ERO1B: variants seen among roughly 807,000 people sequenced by gnomAD.
ERO1B encodes ERO1-like protein beta.
Under a neutral mutation model 75.3 loss-of-function variants are expected in ERO1B, and 49 were observed. The ratio of observed to expected loss-of-function variants is 0.65; its 90% CI spans 0.52 to 0.83. The LOEUF is 0.83. Ranked by LOEUF, ERO1B falls within the 40% of genes least tolerant of loss-of-function variation. The probability of loss-of-function intolerance (pLI) is 0.00; values close to 1 mark genes in which losing one functional copy is unlikely to be tolerated. For missense variants in ERO1B, 512 were observed against 560.1 expected (o/e 0.91, Z 0.87); for synonymous variants, 191 against 192.9 (o/e 0.99, Z 0.08).
intron 12 of ERO1B, among the ~76,000 whole-genome samples, chr1:236,225,748 A>C (rs1280416079): frequency 6.6e-6 from 1 of 152,218 alleles, no homozygotes; most frequent in African/African-American, 2.4e-5. Context: ...CAGCCTGTCC[A>C]ACATGGTGAA....
chr1:236,278,414 G>A (rs1397960664), intron 1 of ERO1B, among the ~76,000 whole-genome samples: 1 of 151,778 alleles, frequency 6.6e-6, no homozygotes, highest in Non-Finnish European at 1.5e-5. Context: ...AAGGGTAAAC[G>A]AGAAATGAAT....
intron 3 of ERO1B, 24 bp downstream of exon 3, chr1:236,253,398 G>T (rs537428637): frequency 1.9e-5 from 28 of 1,451,772 alleles, no homozygotes; most frequent in Non-Finnish European, 2.5e-5. Flanking sequence ...AATTGGCTTT[G>T]CCCTGTTATT....
chr1:236,249,669 T>G (rs1312800175), intron 5 of ERO1B, among the ~76,000 whole-genome samples: 1 of 152,156 alleles, frequency 6.6e-6, no homozygotes, highest in Non-Finnish European at 1.5e-5. Context: ...TTTAAAAGAT[T>G]TACTATGGAT....
chr1:236,225,301 A>T (rs1664252770), intron 12 of ERO1B, among the ~76,000 whole-genome samples, 162 bp from the exon 13 acceptor site: 1 of 152,214 alleles, frequency 6.6e-6, no homozygotes, highest in Non-Finnish European at 1.5e-5. Context: ...TTCACACATA[A>T]ACTATTTCAT....
chr1:236,227,657 CA>C (rs1304156473), intron 10 of ERO1B, among the ~76,000 whole-genome samples: 2 of 152,062 alleles, frequency 1.3e-5, no homozygotes, highest in Non-Finnish European at 2.9e-5. Flanking sequence ...TAGTGGAAAG[CA>C]AAATAGTCTC....
chr1:236,251,479 G>C (rs1441751939), intron 4 of ERO1B: 4 of 981,040 alleles, frequency 4.1e-6, no homozygotes, highest in Non-Finnish European at 4.8e-6. Flanking sequence ...ACACGGGAGA[G>C]AGAGCAAGAA....
At chr1:236,279,806 T>G (rs1420006484) in intron 1 of ERO1B, among the ~76,000 whole-genome samples, 1 of 147,336 alleles carries the variant, frequency 6.8e-6, no homozygotes, top group Non-Finnish European at 1.5e-5. Flanking sequence ...ACACATGCCA[T>G]TGCATCCAGC....
intron 8 of ERO1B, among the ~76,000 whole-genome samples, chr1:236,233,491 C>T (rs937168455): frequency 1.3e-4 from 20 of 148,572 alleles, no homozygotes; most frequent in Admixed American, 2.7e-4. Flanking sequence ...CCCAGCTGCT[C>T]AGGAGGCTGA....
At chr1:236,272,953 A>C (rs1457817132) in intron 1 of ERO1B, among the ~76,000 whole-genome samples, 1 of 152,210 alleles carries the variant, frequency 6.6e-6, no homozygotes, top group Non-Finnish European at 1.5e-5. Flanking sequence ...TTTTATTAGA[A>C]TATCATAATT....
At chr1:236,266,084 ATTGT>A (rs1444133392) in intron 2 of ERO1B, among the ~76,000 whole-genome samples, 4 of 152,102 alleles carry the variant, frequency 2.6e-5, no homozygotes, top group African/African-American at 9.7e-5. Flanking sequence ...TTACTTGTTT[ATTGT>A]TTGTCTCTCT....
At chr1:236,279,397 G>T (rs1665772883) in intron 1 of ERO1B, among the ~76,000 whole-genome samples, 1 of 149,214 alleles carries the variant, frequency 6.7e-6, no homozygotes, top group African/African-American at 2.5e-5. Context: ...CAGTTACTCG[G>T]GAGGCTGAGA....
intron 13 of ERO1B, among the ~76,000 whole-genome samples, chr1:236,222,268 A>G (rs1356066019): frequency 6.6e-6 from 1 of 152,164 alleles, no homozygotes; most frequent in East Asian, 1.9e-4. Flanking sequence ...GCATGCCGCC[A>G]TGCCCAGCTA....
At chr1:236,250,615 A>ATG (rs1331027047) in intron 4 of ERO1B, among the ~76,000 whole-genome samples, 10,219 of 68,366 alleles carry the variant, frequency 0.15, 1,346 homozygotes, top group Non-Finnish European at 0.2. Flanking sequence ...ATATATATAT[A>ATG]TATCAAACGT....
Position 236,225,772 on chromosome 1 carries a change from T to C in ERO1B, c.1052+497A>G, listed in dbSNP as rs917092267. Among the ~76,000 whole-genome samples the C allele has an allele frequency of 7.9e-5, 12 of 152,274 alleles. No homozygotes were observed. In the Middle Eastern group the frequency reaches 0.01, roughly 129 times the overall value. ...CAACATGGTGAAACCCTATCTCTAC[T>C]AAAAATACAAAAATTAGCTGGGTGT... On this transcript the variant is annotated intron_variant, in intron 12 of 15. Coordinates refer to ENST00000354619, the MANE Select transcript of ERO1B (RefSeq NM_019891.4).
At chr1:236,247,144 TCA>T (rs1664903482) in intron 5 of ERO1B, among the ~76,000 whole-genome samples, 1 of 152,172 alleles carries the variant, frequency 6.6e-6, no homozygotes, top group African/African-American at 2.4e-5. Context: ...CTTGGTGATC[TCA>T]TTTAGGTTTA....
At chr1:236,224,851 G>T (rs1227272264) in intron 13 of ERO1B, among the ~76,000 whole-genome samples, 2 of 152,192 alleles carry the variant, frequency 1.3e-5, no homozygotes, top group Non-Finnish European at 2.9e-5. Flanking sequence ...ATTTATAAAG[G>T]TGTTATAGGA....
intron 10 of ERO1B, among the ~76,000 whole-genome samples, chr1:236,229,890 G>A (rs2102942294): frequency 6.6e-6 from 1 of 152,248 alleles, no homozygotes; most frequent in South Asian, 2.1e-4. Context: ...CAAAAGGAAT[G>A]TCTCCACTTT....
chr1:236,260,549 C>T (rs943873236), intron 2 of ERO1B, among the ~76,000 whole-genome samples: 1 of 151,822 alleles, frequency 6.6e-6, no homozygotes, highest in Non-Finnish European at 1.5e-5. Flanking sequence ...CCTATAATCC[C>T]AGCTACTCAA....
chr1:236,234,443 A>C (rs1293158172), intron 8 of ERO1B, among the ~76,000 whole-genome samples: 1 of 152,244 alleles, frequency 6.6e-6, no homozygotes, highest in Non-Finnish European at 1.5e-5. Flanking sequence ...GGAATAGAAG[A>C]GCTTTCCCTT....
Sources: allele counts gnomAD v4.1 joint callset (sites outside exome capture counted in the v4.1 genomes callset), GRCh38; gene constraint gnomAD v4.1.1; transcripts MANE v1.5; gene names NCBI Gene and HGNC (gene_info 2026-07-23, HGNC 2026-07-21).